Variants in FAM120B observed in about 807,000 individuals in gnomAD.
The protein encoded by FAM120B is family with sequence similarity 120 member B, also known as constitutive coactivator of peroxisome proliferator-activated receptor gamma.
Under a neutral mutation model 96.3 loss-of-function variants are expected in FAM120B, and 83 were observed. That is an observed-to-expected ratio of 0.86 (90% CI 0.72 to 1.03). The LOEUF is 1.03. FAM120B is among the 50% of genes least tolerant of loss of function. The probability of loss-of-function intolerance (pLI) is 0.00; values close to 1 mark genes in which losing one functional copy is unlikely to be tolerated. For missense variants in FAM120B, 1,027 were observed against 1,121.2 expected (o/e 0.92, Z 1.20); for synonymous variants, 407 against 402.7 (o/e 1.01, Z -0.13).
chr6:170,323,172 G>T lies in FAM120B; in HGVS notation c.1828G>T (p.Glu610Ter). The T allele has an allele frequency of 1.2e-6, 2 of 1,614,168 alleles. No homozygotes were observed. Among genetic ancestry groups the T allele is most frequent in the Non-Finnish European group, 1.7e-6 (2 of 1,180,026 alleles). ...EIECSNTLED[E>*]LDQALPSQAF... ...TGAATGCAGCAACACCCTAGAAGAT[G>T]AGCTTGACCAGGCCTTACCCAGCCA... Residue 610 changes from glutamate (E) to a stop codon, truncating the protein, a stop_gained, in exon 3 of 11, where the codon GAG becomes TAG. Coordinates refer to ENST00000476287, the MANE Select transcript of FAM120B (RefSeq NM_032448.3). LOFTEE classifies it high-confidence loss of function.
At chr6:170,339,505 G>A (rs961502385) in intron 4 of FAM120B, among the ~76,000 whole-genome samples, 6 of 151,854 alleles carry the variant, frequency 4.0e-5, no homozygotes, top group African/African-American at 9.7e-5. Flanking sequence ...TAAGAATGTC[G>A]GGGCCAGGCG....
At chr6:170,374,177 A>G (rs935555465) in intron 6 of FAM120B, among the ~76,000 whole-genome samples, 1 of 152,220 alleles carries the variant, frequency 6.6e-6, no homozygotes, top group African/African-American at 2.4e-5. Flanking sequence ...CTGACTTGGC[A>G]AGAGCACGTC....
Position 170,370,574 on chromosome 6 carries a change from A to T in FAM120B, c.2283+12256A>T, listed in dbSNP as rs115111515. Among the ~76,000 whole-genome samples, 491 of 152,208 alleles carry T rather than the reference A, an allele frequency of 3.2e-3. 3 individuals are homozygous for T. Among genetic ancestry groups the T allele is most frequent in the African/African-American group, 0.011 (461 of 41,506 alleles). ...AACTCAGAAGCCAGAACTCGGTAATATTACCCTCTGATCCTGTACCTGTCA... is the reference window on the plus strand; with the variant it reads ...AACTCAGAAGCCAGAACTCGGTAATTTTACCCTCTGATCCTGTACCTGTCA... On this transcript the variant is annotated intron_variant, in intron 6 of 10. Coordinates refer to ENST00000476287, the MANE Select transcript of FAM120B (RefSeq NM_032448.3). This position sits in a 1 kb window ranked among gnomAD's most constrained non-coding sequence, Gnocchi z 4.3.
rs750953087 is a variant in FAM120B at position 170,318,326 on chromosome 6, A to T, written c.936A>T (p.Pro312=). ...ASYLLPGQKS[P]WFFQKPKGVI... ...ATCTTTTACCAGGACAAAAATCTCCATGGTTTTTCCAAAAACCCAAAGGTG... is the reference window on the plus strand; with the variant it reads ...ATCTTTTACCAGGACAAAAATCTCCTTGGTTTTTCCAAAAACCCAAAGGTG... The change falls in exon 2 of 11, where the codon CCA becomes CCT. Residue 312 remains proline, a synonymous_variant. Coordinates refer to ENST00000476287, the MANE Select transcript of FAM120B (RefSeq NM_032448.3). The T allele has an allele frequency of 1.2e-6, 2 of 1,614,070 alleles. No homozygotes were observed. The highest frequency in any genetic ancestry group is 1.7e-6 in the Non-Finnish European group (2 of 1,180,022).
intron 6 of FAM120B, among the ~76,000 whole-genome samples, chr6:170,362,630 T>G (rs1788529453): frequency 6.6e-6 from 1 of 152,082 alleles, no homozygotes; most frequent in Admixed American, 6.5e-5. Flanking sequence ...CAGAAGTCAT[T>G]TTGCTCTCAT....
At chr6:170,398,860 G>A (rs1467293496) in intron 9 of FAM120B, among the ~76,000 whole-genome samples, 10 of 151,794 alleles carry the variant, frequency 6.6e-5, no homozygotes, top group African/African-American at 2.4e-4. Context: ...TTAGAAGTGA[G>A]TGGGAAAGGT....
chr6:170,398,304 T>C (rs563367557), intron 9 of FAM120B, among the ~76,000 whole-genome samples: 6 of 152,394 alleles, frequency 3.9e-5, no homozygotes, highest in Non-Finnish European at 5.9e-5. Flanking sequence ...AGTGTAACTC[T>C]TAGGAGTCAA....
At chr6:170,381,825 C>T (rs1312734587) in intron 6 of FAM120B, among the ~76,000 whole-genome samples, 2 of 151,220 alleles carry the variant, frequency 1.3e-5, no homozygotes, top group African/African-American at 4.9e-5. Context: ...AAAAAACTTT[C>T]AGAAAAATGA....
upstream of FAM120B, among the ~76,000 whole-genome samples, chr6:170,305,656 T>C (rs926385268): frequency 3.9e-5 from 6 of 152,194 alleles, no homozygotes; most frequent in African/African-American, 1.4e-4. Flanking sequence ...CCTAAATAAG[T>C]TGATATTAAA....
chr6:170,406,977 G>A lies in FAM120B; in HGVS notation c.*2226G>A, dbSNP rs957933182. On this transcript the variant is annotated 3_prime_UTR_variant, in exon 11 of 11. Coordinates refer to ENST00000476287, the MANE Select transcript of FAM120B (RefSeq NM_032448.3). ...AGAGCTGAATTTTTTGTCATTCTAA[G>A]TTGTAAGTAACACTGCAGTCAAGTC... is the stretch of plus-strand genomic sequence containing the variant. 6.6e-6 allele frequency: 1 copy of A among 152,278 alleles called. No individual in the cohort carries two copies. The highest frequency in any genetic ancestry group is 2.4e-5 in the African/African-American group (1 of 41,556). The allele number at this position is 152,278 out of a possible 1,614,324, so 9.4% of individuals were successfully genotyped here. A position where few individuals can be genotyped will look rare whatever the true frequency, so the allele number is the denominator to read the frequency against.
chr6:170,355,169 C>T (rs931020305), intron 5 of FAM120B, among the ~76,000 whole-genome samples: 4 of 152,100 alleles, frequency 2.6e-5, no homozygotes, highest in African/African-American at 9.7e-5. Flanking sequence ...TGTGATTCCT[C>T]AGAGACCTAG....
chr6:170,301,727 T>G (rs1007515449), intron 1 of FAM120B, among the ~76,000 whole-genome samples: 1 of 152,236 alleles, frequency 6.6e-6, no homozygotes, highest in African/African-American at 2.4e-5. Context: ...TGCCATTCTC[T>G]TTGCTAAAGC....
Position 170,358,249 on chromosome 6 carries a change from T to G in FAM120B, c.2214T>G (p.Asp738Glu), listed in dbSNP as rs769706962. 1.9e-6 allele frequency: 3 copies of G among 1,605,420 alleles called. No homozygotes were observed. Among genetic ancestry groups the G allele is most frequent in the Non-Finnish European group, 2.6e-6 (3 of 1,174,126 alleles). ...FVQVDTLCLE[D>E]LHAFIAQALC... ...AGGTGGACACGCTTTGCCTGGAGGA[T>G]TTGCATGCGTTTATTGCGCAGGCCT... is the stretch of plus-strand genomic sequence containing the variant. The change falls in exon 6 of 11, where the codon GAT (aspartate) becomes GAG (glutamate). Residue 738 changes from aspartate to glutamate, a missense_variant. Asp to Glu is a conservative substitution (Grantham distance 45, BLOSUM62 2). This residue lies in a region of FAM120B where 880 missense variants were observed against 980.9 expected (regional missense o/e 0.90). Coordinates refer to ENST00000476287, the MANE Select transcript of FAM120B (RefSeq NM_032448.3).
chr6:170,315,001 T>C (rs929964310), intron 1 of FAM120B, among the ~76,000 whole-genome samples: 11 of 152,240 alleles, frequency 7.2e-5, no homozygotes, highest in African/African-American at 2.7e-4. Flanking sequence ...CCCCACTGGC[T>C]GCTGACCACA....
At chr6:170,380,306 A>C (rs1186551100) in intron 6 of FAM120B, among the ~76,000 whole-genome samples, 1 of 152,174 alleles carries the variant, frequency 6.6e-6, no homozygotes, top group Non-Finnish European at 1.5e-5. Context: ...AGAGTGCTGC[A>C]GGAAACATGG....
At chr6:170,321,744 T>C (rs906038457) in intron 2 of FAM120B, among the ~76,000 whole-genome samples, 7 of 152,202 alleles carry the variant, frequency 4.6e-5, no homozygotes, top group South Asian at 2.1e-4. Context: ...GACAAGTGCT[T>C]TTCTTATATT....
chr6:170,292,293 A>T (rs1029440604), upstream of FAM120B, among the ~76,000 whole-genome samples: 1 of 152,254 alleles, frequency 6.6e-6, no homozygotes, highest in Admixed American at 6.5e-5. The surrounding 1 kb of genome is among the most constrained non-coding windows in gnomAD (Gnocchi z 6.6). Flanking sequence ...CACGTATGAC[A>T]CAATGAATTA....
intron 1 of FAM120B, among the ~76,000 whole-genome samples, chr6:170,299,660 T>C (rs572133157): frequency 1.8e-3 from 275 of 152,394 alleles, no homozygotes; most frequent in African/African-American, 6.3e-3. Flanking sequence ...ACCAGTTCTG[T>C]AGGAATTATT....
intron 9 of FAM120B, among the ~76,000 whole-genome samples, chr6:170,397,764 C>G (rs991354269): frequency 2.0e-5 from 3 of 152,200 alleles, no homozygotes; most frequent in Non-Finnish European, 4.4e-5. Context: ...CCGTGACCAG[C>G]CTGGCCGTAA....
Sources: allele counts gnomAD v4.1 joint callset (sites outside exome capture counted in the v4.1 genomes callset), GRCh38; gene constraint gnomAD v4.1.1; regional missense constraint gnomAD v4.1.1; non-coding constraint Gnocchi (gnomAD v3.1); transcripts MANE v1.5; gene names NCBI Gene and HGNC (gene_info 2026-07-23, HGNC 2026-07-21).